Variants in ZNF292 observed in about 807,000 individuals in gnomAD.
The protein encoded by ZNF292 is zinc finger protein 292.
ZNF292 carries 26 observed loss-of-function variants against 217.9 expected under a neutral mutation model. The ratio of observed to expected loss-of-function variants is 0.12; its 90% confidence interval spans 0.09 to 0.17. The LOEUF is 0.17. Among genes scored for constraint, ZNF292 ranks in the 10% least tolerant of loss-of-function variants. ZNF292 has a pLI of 1.00. For synonymous variants in ZNF292, 1,257 were observed against 1,124.1 expected (o/e 1.12, Z -2.37); for missense variants, 2,904 against 3,175.2 (o/e 0.91, Z 2.05).
intron 1 of ZNF292, among the ~76,000 whole-genome samples, chr6:87,191,152 A>G (rs946987725): frequency 5.9e-5 from 9 of 152,156 alleles, no homozygotes; most frequent in African/African-American, 2.2e-4. Context: ...CTTAAATGTA[A>G]TGTTTCATAG....
intron 6 of ZNF292, among the ~76,000 whole-genome samples, chr6:87,244,154 T>A (rs972267172): frequency 6.6e-6 from 1 of 152,202 alleles, no homozygotes; most frequent in African/African-American, 2.4e-5. Context: ...ATTTGATTTA[T>A]AAAATTCCAA....
intron 4 of ZNF292, among the ~76,000 whole-genome samples, chr6:87,227,450 CCA>C (rs1299295554): frequency 1.3e-5 from 2 of 150,742 alleles, no homozygotes; most frequent in African/African-American, 4.9e-5. Context: ...TAAAAAAAAA[CCA>C]CACACACAAG....
intron 1 of ZNF292, among the ~76,000 whole-genome samples, chr6:87,187,207 G>A (rs1771691559): frequency 1.3e-5 from 2 of 152,288 alleles, no homozygotes; most frequent in East Asian, 3.9e-4. Context: ...TGTATATTAA[G>A]TACTATTAAT....
chr6:87,200,833 T>G (rs1772081084), intron 1 of ZNF292, among the ~76,000 whole-genome samples: 1 of 152,222 alleles, frequency 6.6e-6, no homozygotes, highest in Admixed American at 6.5e-5. Context: ...TGAATGGTTA[T>G]TTCACATCCT....
intron 1 of ZNF292, among the ~76,000 whole-genome samples, chr6:87,209,848 G>A (rs892189822): frequency 2.6e-5 from 4 of 152,032 alleles, no homozygotes; most frequent in Admixed American, 6.5e-5. Flanking sequence ...ACAACTCTTT[G>A]GGATCCTCAG....
chr6:87,168,897 T>C (rs894954797), intron 1 of ZNF292, among the ~76,000 whole-genome samples: 6 of 152,208 alleles, frequency 3.9e-5, no homozygotes, highest in Non-Finnish European at 7.3e-5. Context: ...CTCAAGTCCC[T>C]TAAATGAAAT....
In ZNF292 at chr6:87,215,911, A is replaced by G. The variant is rs1377278738; in HGVS notation, c.177A>G (p.Leu59=). The change falls in exon 2 of 8, where the codon CTA becomes CTG. Residue 59 remains leucine (L), a synonymous_variant. Coordinates refer to ENST00000369577, the MANE Select transcript of ZNF292 (RefSeq NM_015021.3). ...DYCQQLCQTL[L]EYAEKWKTSE... ...TATTCCTTCCAAAACAGACACTCCT[A>G]GAATATGCAGAGAAATGGAAAACTT... 6.3e-7 allele frequency: 1 copy of G among 1,598,346 alleles called. No individual in the cohort carries two copies. Among genetic ancestry groups the G allele is most frequent in the Non-Finnish European group, 8.5e-7 (1 of 1,174,852 alleles).
At chr6:87,205,067 T>G (rs1772205440) in intron 1 of ZNF292, among the ~76,000 whole-genome samples, 1 of 152,024 alleles carries the variant, frequency 6.6e-6, no homozygotes, top group South Asian at 2.1e-4. Flanking sequence ...TTGCTGGGGT[T>G]TTTTCCCGCT....
chr6:87,254,560 A>G, intron 7 of ZNF292, 90 bp from the exon 8 acceptor site: 1 of 1,298,728 alleles, frequency 7.7e-7, no homozygotes, highest in East Asian at 2.3e-5. Context: ...AGATTTGAGT[A>G]AAACAAATCT....
chr6:87,241,440 G>A (rs1194981900), intron 5 of ZNF292, among the ~76,000 whole-genome samples: 4 of 53,924 alleles, frequency 7.4e-5, no homozygotes, highest in African/African-American at 3.3e-4. Context: ...TTTTTTTTTT[G>A]AGACCGAGTG....
chr6:87,245,092 T>C (rs1000404898), intron 6 of ZNF292, among the ~76,000 whole-genome samples: 1 of 152,008 alleles, frequency 6.6e-6, no homozygotes, highest in African/African-American at 2.4e-5. Flanking sequence ...AATACAAAAA[T>C]TAACCAGGCA....
intron 1 of ZNF292, among the ~76,000 whole-genome samples, chr6:87,182,489 T>G (rs936555946): frequency 6.6e-6 from 1 of 152,160 alleles, no homozygotes; most frequent in African/African-American, 2.4e-5. Context: ...CCTACGCTTT[T>G]AGAGGATGTG....
intron 1 of ZNF292, among the ~76,000 whole-genome samples, chr6:87,194,121 ATG>A (rs1771894305): frequency 6.6e-6 from 1 of 152,198 alleles, no homozygotes; most frequent in Non-Finnish European, 1.5e-5. Flanking sequence ...TTCATGTCGT[ATG>A]TCTAGAAAAG....
At chr6:87,159,403 G>A (rs1349378306) in intron 1 of ZNF292, among the ~76,000 whole-genome samples, 1 of 150,388 alleles carries the variant, frequency 6.6e-6, no homozygotes, top group East Asian at 1.9e-4. Context: ...GAGAGATGGG[G>A]TCTTGCTACA....
chr6:87,239,744 A>C lies in ZNF292; in HGVS notation c.742-3731A>C, dbSNP rs558070264. ...GCGGCTGGGCAGAGGCGCTCCTCAC[A>C]TCCCAGATGGGGCGGTGGGGCAGAG... is the stretch of plus-strand genomic sequence containing the variant. On this transcript the variant is annotated intron_variant, in intron 5 of 7. Coordinates refer to ENST00000369577, the MANE Select transcript of ZNF292 (RefSeq NM_015021.3). Among the ~76,000 whole-genome samples the C allele has an allele frequency of 2.3e-4, 31 of 132,426 alleles. 2 individuals carry two copies. In the East Asian group the frequency reaches 5.7e-3, roughly 24 times the overall value. 86.9% of individuals were successfully genotyped at this position (132,426 alleles called of 152,430 possible).
chr6:87,225,999 C>G (rs564430652), intron 4 of ZNF292, among the ~76,000 whole-genome samples: 1 of 152,144 alleles, frequency 6.6e-6, no homozygotes, highest in Admixed American at 6.6e-5. Context: ...GTCTGACACT[C>G]ATGGTGCATC....
In ZNF292 at chr6:87,258,016, C is replaced by G. The variant is rs1775332006; in HGVS notation, c.4387C>G (p.Pro1463Ala). 1 of 1,613,718 alleles carries G rather than the reference C, an allele frequency of 6.2e-7. No individual in the cohort carries two copies. Among genetic ancestry groups the G allele is most frequent in the African/African-American group, 1.3e-5 (1 of 74,902 alleles). ...FLQLLAENRS[P>A]AFLPNTFPRS... ...ACAGCTTCTTGCTGAAAATCGCTCG[C>G]CAGCATTTTTACCAAATACATTTCC... Residue 1463 changes from proline (P) to alanine (A), a missense_variant, in exon 8 of 8, where the codon CCA becomes GCA. By Grantham distance (27) the Pro-to-Ala change is conservative. Around this residue, in one of 15 missense-constraint regions of ZNF292, gnomAD observed 622 missense variants for 573.1 expected, o/e 1.09. Transcript: ENST00000369577.
At chr6:87,241,036 G>A (rs1774256132) in intron 5 of ZNF292, among the ~76,000 whole-genome samples, 1 of 152,206 alleles carries the variant, frequency 6.6e-6, no homozygotes, top group Non-Finnish European at 1.5e-5. Flanking sequence ...TGTAATCCCA[G>A]CACTTTGGGA....
rs781577339 is a variant in ZNF292, at chr6:87,257,177, A to G, written c.3548A>G (p.Gln1183Arg). ...AATGGGAATCCTGCTTGTTCGGCCC[A>G]GTTGCAGCATGTCTCGCCACCCATT... ...KANGNPACSA[Q>R]LQHVSPPIFP... Residue 1183 changes from glutamine (Q) to arginine (R), a missense_variant, in exon 8 of 8, where the codon CAG (glutamine) becomes CGG (arginine). By Grantham distance (43) the Gln-to-Arg change is conservative. Transcript: ENST00000369577. The G allele has an allele frequency of 6.2e-7, 1 of 1,613,912 alleles. No individual in the cohort carries two copies. Among genetic ancestry groups the G allele is most frequent in the Non-Finnish European group, 8.5e-7 (1 of 1,179,860 alleles).
Sources: gnomAD v4.1 joint callset for allele counts (sites outside exome capture counted in the v4.1 genomes callset) on GRCh38, gnomAD v4.1.1 for gene constraint, gnomAD v4.1.1 regional missense constraint, MANE v1.5 for transcripts, NCBI Gene and HGNC (gene_info 2026-07-23, HGNC 2026-07-21) for gene names.